The following TIMP3 variants were observed in gnomAD, a reference collection of about 807,000 sequenced individuals.
TIMP3 encodes TIMP metallopeptidase inhibitor 3, also known as metalloproteinase inhibitor 3.
A neutral mutation model predicts 30.0 loss-of-function variants in TIMP3; 11 were observed. That is an observed-to-expected ratio of 0.37 (90% CI 0.23 to 0.61). The LOEUF is 0.61. Among genes scored for constraint, TIMP3 ranks in the 20% least tolerant of loss-of-function variants. The pLI is 0.70. For missense variants in TIMP3, 181 were observed against 276.8 expected (o/e 0.65, Z 2.45); for synonymous variants, 112 against 111.3 (o/e 1.01, Z -0.04).
In TIMP3 at chr22:32,862,971, T is replaced by A. The variant is rs1250747410; in HGVS notation, c.*3594T>A. On this transcript the variant is annotated 3_prime_UTR_variant, in exon 5 of 5. Transcript: ENST00000266085. ...TCCGTGAATGTATATTGTCTTGTAA[T>A]GTTGCATAATGTTCACTTTTTATAG... 1 of 152,698 alleles carries A rather than the reference T, an allele frequency of 6.5e-6. No individual in the cohort carries two copies. The highest frequency in any genetic ancestry group is 1.5e-5 in the Non-Finnish European group (1 of 68,048). The allele number at this position is 152,698 out of a possible 1,614,324, so 9.5% of individuals were successfully genotyped here.
rs1355120438 is a variant in TIMP3, at chr22:32,861,810, A to T, written c.*2433A>T. 6.6e-6 allele frequency: 1 copy of T among 152,666 alleles called. No individual in the cohort carries two copies. Among genetic ancestry groups the T allele is most frequent in the African/African-American group, 2.4e-5 (1 of 41,456 alleles). The allele number at this position is 152,666 out of a possible 1,614,324, so 9.5% of individuals were successfully genotyped here. ...CACCCGTTCACTTACTGTATAATTT[A>T]AAATCATTTATGTAGCTGAGACACT... On this transcript the variant is annotated 3_prime_UTR_variant, in exon 5 of 5. Coordinates refer to ENST00000266085, the MANE Select transcript of TIMP3 (RefSeq NM_000362.5).
intron 1 of TIMP3, among the ~76,000 whole-genome samples, chr22:32,830,659 C>T (rs2047544917): frequency 6.6e-6 from 1 of 151,920 alleles, no homozygotes; most frequent in Non-Finnish European, 1.5e-5. Flanking sequence ...TCCACAGGGC[C>T]ACCCCCCCGC....
chr22:32,829,459 C>T (rs1159075600), intron 1 of TIMP3, among the ~76,000 whole-genome samples: 1 of 152,172 alleles, frequency 6.6e-6, no homozygotes, highest in African/African-American at 2.4e-5. Context: ...TTCATTTGCA[C>T]CCACATGTAG....
chr22:32,825,044 C>T (rs242085), intron 1 of TIMP3, among the ~76,000 whole-genome samples: 68,560 of 151,810 alleles, frequency 0.45, 15,971 homozygotes, highest in Admixed American at 0.55. Context: ...CAGGCTGGGT[C>T]CAATGAGCGC....
chr22:32,820,864 A>G (rs2047226924), intron 1 of TIMP3, among the ~76,000 whole-genome samples: 1 of 152,218 alleles, frequency 6.6e-6, no homozygotes, highest in African/African-American at 2.4e-5. Flanking sequence ...TGTATGAATG[A>G]TAAAGAGCAG....
At chr22:32,852,496 T>G (rs1230999126) in intron 2 of TIMP3, among the ~76,000 whole-genome samples, 1 of 152,172 alleles carries the variant, frequency 6.6e-6, no homozygotes, top group African/African-American at 2.4e-5. Flanking sequence ...GTTTTGGCAC[T>G]GGTCCCTGGG....
intron 1 of TIMP3, among the ~76,000 whole-genome samples, chr22:32,833,314 A>C (rs1291682921): frequency 6.6e-6 from 1 of 152,190 alleles, no homozygotes; most frequent in African/African-American, 2.4e-5. Context: ...TATCCTGGAG[A>C]TGATTTGGGA....
intron 1 of TIMP3, among the ~76,000 whole-genome samples, chr22:32,843,536 C>T (rs192783002): frequency 1.3e-3 from 205 of 152,356 alleles, no homozygotes; most frequent in Non-Finnish European, 2.4e-3. Flanking sequence ...AGGCCGCTCC[C>T]TTTGTCATCC....
chr22:32,853,318 G>T (rs1015055831), intron 2 of TIMP3, among the ~76,000 whole-genome samples: 1 of 152,170 alleles, frequency 6.6e-6, no homozygotes, highest in Non-Finnish European at 1.5e-5. Flanking sequence ...TGATAGCTCG[G>T]TCGGTCTGTA....
intron 1 of TIMP3, among the ~76,000 whole-genome samples, chr22:32,823,227 C>T (rs1443552974): frequency 2.6e-5 from 4 of 152,164 alleles, no homozygotes; most frequent in African/African-American, 9.7e-5. Flanking sequence ...CCTTCTGGCT[C>T]CTGGTGGGAC....
At chr22:32,826,772 T>C (rs1003663447) in intron 1 of TIMP3, among the ~76,000 whole-genome samples, 1 of 152,146 alleles carries the variant, frequency 6.6e-6, no homozygotes, top group Admixed American at 6.5e-5. Flanking sequence ...CACTATCCAG[T>C]CCCAAGCCTG....
chr22:32,840,637 C>T (rs1038801705), intron 1 of TIMP3, among the ~76,000 whole-genome samples: 5 of 152,010 alleles, frequency 3.3e-5, no homozygotes, highest in African/African-American at 9.7e-5. Flanking sequence ...TCCTTACCGC[C>T]GCCCCCTCCG....
chr22:32,814,116 G>A (rs1290464173), intron 1 of TIMP3, among the ~76,000 whole-genome samples: 1 of 6,770 alleles, frequency 1.5e-4, no homozygotes, highest in East Asian at 0.014. Flanking sequence ...TCGTGTGTGT[G>A]TGTGTGTGTG....
chr22:32,806,106 A>C (rs542043938), intron 1 of TIMP3, among the ~76,000 whole-genome samples: 2 of 152,054 alleles, frequency 1.3e-5, no homozygotes, highest in Admixed American at 6.5e-5. Context: ...AAGACATTTC[A>C]GGGCTTCAAG....
intron 1 of TIMP3, among the ~76,000 whole-genome samples, chr22:32,830,941 A>T (rs995560370): frequency 2.0e-5 from 3 of 152,152 alleles, no homozygotes; most frequent in Non-Finnish European, 2.9e-5. Flanking sequence ...TTTAGCTTTT[A>T]AAAAAATGTG....
At chr22:32,855,182 A>C (rs924758128) in intron 2 of TIMP3, among the ~76,000 whole-genome samples, 1 of 152,148 alleles carries the variant, frequency 6.6e-6, no homozygotes, top group Non-Finnish European at 1.5e-5. Context: ...ATTGTGCAAC[A>C]CCTTGGTGCC....
At chr22:32,840,624 C>T (rs1222235625) in intron 1 of TIMP3, among the ~76,000 whole-genome samples, 1 of 152,046 alleles carries the variant, frequency 6.6e-6, no homozygotes, top group African/African-American at 2.4e-5. Flanking sequence ...CTTCCAGCTG[C>T]TCTCCTTACC....
chr22:32,817,620 G>A (rs150845081), intron 1 of TIMP3, among the ~76,000 whole-genome samples: 1 of 152,328 alleles, frequency 6.6e-6, no homozygotes, highest in African/African-American at 2.4e-5. Context: ...AGGGAAGGCT[G>A]ACCTTCAAGG....
chr22:32,818,482 C>G (rs1379957809), intron 1 of TIMP3, among the ~76,000 whole-genome samples: 1 of 152,116 alleles, frequency 6.6e-6, no homozygotes, highest in African/African-American at 2.4e-5. Context: ...CCCTTTGAGT[C>G]CTCTGGATGA....
Sources: gnomAD v4.1 joint callset for allele counts (sites outside exome capture counted in the v4.1 genomes callset) on GRCh38, gnomAD v4.1.1 for gene constraint, MANE v1.5 for transcripts, NCBI Gene and HGNC (gene_info 2026-07-23, HGNC 2026-07-21) for gene names.